TRIP12: variants seen among roughly 807,000 people sequenced by gnomAD.
TRIP12 encodes the protein E3 ubiquitin-protein ligase TRIP12.
In TRIP12, 25 loss-of-function variants were observed where a neutral mutation model predicts 244.2. The ratio of observed to expected loss-of-function variants is 0.10; its 90% confidence interval spans 0.07 to 0.14. The LOEUF is 0.14. Among genes scored for constraint, TRIP12 ranks in the 10% least tolerant of loss-of-function variants. TRIP12 has a pLI of 1.00. For missense variants in TRIP12, 1,677 were observed against 2,486.4 expected (o/e 0.67, Z 6.92); for synonymous variants, 905 against 873.1 (o/e 1.04, Z -0.64).
At chr2:229,905,386 G>C (rs1003476373) in intron 1 of TRIP12, among the ~76,000 whole-genome samples, 3 of 152,112 alleles carry the variant, frequency 2.0e-5, no homozygotes, top group Admixed American at 2.0e-4. Flanking sequence ...TTTAGGAAGA[G>C]AGAAGATATA....
chr2:229,855,625 G>GAAAAAAAAAAAAAAAAAAAAAAAAA (rs1262164225), intron 4 of TRIP12, among the ~76,000 whole-genome samples: 1 of 95,800 alleles, frequency 1.0e-5, no homozygotes, highest in Non-Finnish European at 2.3e-5. Context: ...AAAAAAAAAA[G>GAAAAAAAAAAAAAAAAAAAAAAAAA]AGAAAAGAAA....
intron 34 of TRIP12, among the ~76,000 whole-genome samples, chr2:229,783,297 A>G (rs913848509): frequency 3.3e-5 from 5 of 152,226 alleles, no homozygotes; most frequent in African/African-American, 1.2e-4. Flanking sequence ...CCACTTTCAC[A>G]CTACAAAGGT....
In TRIP12 at chr2:229,874,806, C is replaced by T. The variant is rs564870414; in HGVS notation, c.98+5176G>A. On this transcript the variant is annotated intron_variant, in intron 2 of 41. Transcript: ENST00000675903. ...AATTTTCCTGAAGCGTCCCAATTTT[C>T]TATTCTCAATATGCACTGTTTATAT... Among the ~76,000 whole-genome samples the T allele has an allele frequency of 3.3e-5, 5 of 152,262 alleles. No homozygotes were observed. The South Asian group carries it at 1.0e-3, about 32-fold the overall frequency.
intron 8 of TRIP12, among the ~76,000 whole-genome samples, chr2:229,825,891 A>T (rs1345629596): frequency 6.6e-6 from 1 of 152,262 alleles, no homozygotes; most frequent in Non-Finnish European, 1.5e-5. Context: ...AGATCCCATC[A>T]TCCAATGCTG....
chr2:229,895,361 T>C (rs149788629), intron 1 of TRIP12, among the ~76,000 whole-genome samples: 2 of 151,312 alleles, frequency 1.3e-5, no homozygotes, highest in East Asian at 1.9e-4. Context: ...GAAATTCATA[T>C]ATAAGTTTAA....
chr2:229,889,084 C>T (rs761713399), intron 1 of TRIP12, among the ~76,000 whole-genome samples: 1 of 152,270 alleles, frequency 6.6e-6, no homozygotes, highest in Middle Eastern at 3.4e-3. Context: ...GAATAAAGGA[C>T]AGTCTACTAA....
At chr2:229,806,064 C>G in intron 17 of TRIP12, 181 bp from the exon 18 acceptor site, 1 of 480,892 alleles carries the variant, frequency 2.1e-6, no homozygotes. Context: ...TTCAACAAAT[C>G]ATTTTTAATT....
rs373747420 is a variant in TRIP12 at position 229,787,542 on chromosome 2, T to C, written c.4958A>G (p.Gln1653Arg). 6.2e-7 allele frequency: 1 copy of C among 1,613,862 alleles called. No individual in the cohort carries two copies. Among genetic ancestry groups the C allele is most frequent in the Admixed American group, 1.7e-5 (1 of 59,994 alleles). ...CAATCTAGGTGCAACTCTGCTATCTTGAGAATCAGACTGGTTGATTTCTGG... is the reference window on the plus strand; with the variant it reads ...CAATCTAGGTGCAACTCTGCTATCTCGAGAATCAGACTGGTTGATTTCTGG... ...TNPEINQSDS[Q>R]DSRVAPRLDR... The change falls in exon 33 of 42, where the codon CAA becomes CGA. Residue 1653 changes from glutamine to arginine, a missense_variant. By Grantham distance (43) the Gln-to-Arg change is conservative. Coordinates refer to ENST00000675903, the MANE Select transcript of TRIP12 (RefSeq NM_001348323.3).
Position 229,813,863 on chromosome 2 carries a change from A to G in TRIP12, c.1986+7T>C, listed in dbSNP as rs1291716411. ...TTTATGGCACATAAAATAGATGCAT[A>G]TTTTACCTGATGTGTTAGCCTTTGG... On this transcript the variant is annotated splice_region_variant and intron_variant, in intron 13 of 41. Coordinates refer to ENST00000675903, the MANE Select transcript of TRIP12 (RefSeq NM_001348323.3). 8 of 1,494,922 alleles carry G rather than the reference A, an allele frequency of 5.4e-6. No homozygotes were observed. The highest frequency in any genetic ancestry group is 7.3e-6 in the Non-Finnish European group (8 of 1,102,406). 92.6% of individuals were successfully genotyped at this position (1,494,922 alleles called of 1,614,324 possible).
Position 229,903,196 on chromosome 2 carries a change from T to C in TRIP12, c.-50+18684A>G, listed in dbSNP as rs554643562. Among the ~76,000 whole-genome samples the C allele has an allele frequency of 5.3e-5, 8 of 152,172 alleles. No individual in the cohort carries two copies. The East Asian group carries it at 1.4e-3, about 26-fold the overall frequency. ...GCAATGGACACAATGACTTCAAGCCTTGACAGCCATTCAGTAACCGTGAGA... is the reference window on the plus strand; with the variant it reads ...GCAATGGACACAATGACTTCAAGCCCTGACAGCCATTCAGTAACCGTGAGA... On this transcript the variant is annotated intron_variant, in intron 1 of 41. Transcript: ENST00000675903.
At position 229,850,080 on chromosome 2, in the gene TRIP12, G is replaced by A. The variant is rs115014412; in HGVS notation, c.1027+8692C>T. ...GTGTCAAAACCATTCCAGAATACAC[G>A]TAAGAATATAAAGGGCAATTACTAA... is the stretch of plus-strand genomic sequence containing the variant. On this transcript the variant is annotated intron_variant, in intron 4 of 41. Coordinates refer to ENST00000675903, the MANE Select transcript of TRIP12 (RefSeq NM_001348323.3). 6.3e-3 allele frequency among the ~76,000 whole-genome samples: 960 copies of A among 152,202 alleles called. 10 individuals carry two copies. Among genetic ancestry groups the A allele is most frequent in the African/African-American group, 0.021 (882 of 41,544 alleles).
intron 2 of TRIP12, among the ~76,000 whole-genome samples, chr2:229,875,501 G>A (rs917943273): frequency 3.9e-5 from 6 of 152,240 alleles, no homozygotes; most frequent in Non-Finnish European, 8.8e-5. Context: ...CTCATCATAC[G>A]GATCCAGTGG....
At chr2:229,777,284 T>C in intron 37 of TRIP12, 31 bp downstream of exon 37, 2 of 1,589,146 alleles carry the variant, frequency 1.3e-6, no homozygotes, top group South Asian at 1.1e-5. Flanking sequence ...AATAAAGACT[T>C]GATCTACTGG....
intron 1 of TRIP12, among the ~76,000 whole-genome samples, chr2:229,882,255 G>A (rs530060266): frequency 6.6e-6 from 1 of 152,116 alleles, no homozygotes; most frequent in East Asian, 1.9e-4. Context: ...TTATTCAAAA[G>A]AATAAAAATA....
At chr2:229,794,003 T>G (rs563169106) in intron 26 of TRIP12, among the ~76,000 whole-genome samples, 1 of 152,322 alleles carries the variant, frequency 6.6e-6, no homozygotes, top group East Asian at 1.9e-4. Flanking sequence ...ATATTCCATT[T>G]TATGAATATA....
chr2:229,786,376 T>C (rs2039995472), intron 33 of TRIP12, among the ~76,000 whole-genome samples: 1 of 147,088 alleles, frequency 6.8e-6, no homozygotes, highest in Non-Finnish European at 1.5e-5. Context: ...GGAATCCTAA[T>C]AAAGATACGA....
At chr2:229,805,066 C>A (rs1025685515) in intron 18 of TRIP12, among the ~76,000 whole-genome samples, 1 of 152,076 alleles carries the variant, frequency 6.6e-6, no homozygotes, top group Non-Finnish European at 1.5e-5. Context: ...CCACCACGCT[C>A]GGCTAGTTTT....
intron 2 of TRIP12, among the ~76,000 whole-genome samples, chr2:229,862,145 C>G (rs2060580636): frequency 6.6e-6 from 1 of 152,124 alleles, no homozygotes; most frequent in Non-Finnish European, 1.5e-5. Flanking sequence ...CAACCTCCGC[C>G]TCCCAGGATC....
rs1299838659 is a variant in TRIP12, at chr2:229,799,086, T to C, written c.3308-37A>G. On this transcript the variant is annotated intron_variant, in intron 22 of 41. Coordinates refer to ENST00000675903, the MANE Select transcript of TRIP12 (RefSeq NM_001348323.3). ...AAAAAGAACTACAGTTAAGTCATTT[T>C]AGTTTAAGTGATGAAAAACAACTGA... The C allele has an allele frequency of 2.5e-6, 4 of 1,605,902 alleles. No homozygotes were observed. In the African/African-American group the frequency reaches 5.4e-5, roughly 22 times the overall value.
Sources: gnomAD v4.1 joint callset for allele counts (sites outside exome capture counted in the v4.1 genomes callset) on GRCh38, gnomAD v4.1.1 for gene constraint, MANE v1.5 for transcripts, NCBI Gene and HGNC (gene_info 2026-07-23, HGNC 2026-07-21) for gene names.